Variants in NR5A1 observed in about 807,000 individuals in gnomAD.
The protein encoded by NR5A1 is steroidogenic factor 1.
A neutral mutation model predicts 42.7 loss-of-function variants in NR5A1; 6 were observed. That is an observed-to-expected ratio of 0.14 (90% CI 0.08 to 0.28). The LOEUF is 0.28. Among genes scored for constraint, NR5A1 ranks in the 10% least tolerant of loss-of-function variants. The pLI, the probability that NR5A1 is intolerant of heterozygous loss-of-function variation, is 1.00. For missense variants in NR5A1, 442 were observed against 626.4 expected, an observed-to-expected ratio of 0.71 and a Z score of 3.14; for synonymous variants, 274 against 277.5, an observed-to-expected ratio of 0.99 and a Z score of 0.12.
chr9:124,487,283 C>T (rs1832227831), intron 6 of NR5A1, among the ~76,000 whole-genome samples: 1 of 152,252 alleles, frequency 6.6e-6, no homozygotes, highest in Non-Finnish European at 1.5e-5. Context: ...CTCAGGCAGG[C>T]GCCCCCGCGC....
chr9:124,494,597 T>G (rs1832360707), intron 4 of NR5A1, among the ~76,000 whole-genome samples: 1 of 152,052 alleles, frequency 6.6e-6, no homozygotes, highest in Non-Finnish European at 1.5e-5. Context: ...CCCAGAGCAG[T>G]GGTCAGAGGG....
chr9:124,492,994 G>A (rs1253144751), intron 5 of NR5A1, 36 bp downstream of exon 5: 1 of 1,546,772 alleles, frequency 6.5e-7, no homozygotes, highest in Non-Finnish European at 8.7e-7. Context: ...GCGGGGCCAG[G>A]GCGGGGCCCA....
At chr9:124,505,835 A>G (rs1461351961) in intron 1 of NR5A1, among the ~76,000 whole-genome samples, 1 of 152,134 alleles carries the variant, frequency 6.6e-6, no homozygotes, top group Non-Finnish European at 1.5e-5. Flanking sequence ...TCCCGGGCCT[A>G]TGGGCCAAGC....
rs1564149507 is a variant in NR5A1 at position 124,491,062 on chromosome 9, T to C, written c.1138+19A>G. On this transcript the variant is annotated intron_variant, in intron 6 of 6. Coordinates refer to ENST00000373588, the MANE Select transcript of NR5A1 (RefSeq NM_004959.5). ...GCCTCTGGCTGTCTCCACCTCTCTGTCACTGGAGCTGCACTCACCCAGGCT... is the reference window on the plus strand; with the variant it reads ...GCCTCTGGCTGTCTCCACCTCTCTGCCACTGGAGCTGCACTCACCCAGGCT... 7.1e-6 allele frequency: 9 copies of C among 1,267,954 alleles called. No individual in the cohort carries two copies. Among genetic ancestry groups the C allele is most frequent in the Non-Finnish European group, 9.5e-6 (9 of 947,756 alleles). 78.5% of individuals were successfully genotyped at this position (1,267,954 alleles called of 1,614,324 possible).
rs948791632 is a variant in NR5A1, at chr9:124,500,004, G to C, written c.870+86C>G. 6.3e-7 allele frequency: 1 copy of C among 1,596,238 alleles called. No homozygotes were observed. The highest frequency in any genetic ancestry group is 8.6e-7 in the Non-Finnish European group (1 of 1,165,850). On this transcript the variant is annotated intron_variant, in intron 4 of 6. Coordinates refer to ENST00000373588, the MANE Select transcript of NR5A1 (RefSeq NM_004959.5). This position sits in a 1 kb window ranked among gnomAD's most constrained non-coding sequence, Gnocchi z 6.9. The stretch of plus-strand genomic sequence containing the variant: ...CTGCCTGAAGCCAGTGGGAAGGATG[G>C]CCCTATCCAAAGGACAGTCGGGCTA...
chr9:124,504,073 G>A (rs996869200), intron 1 of NR5A1, among the ~76,000 whole-genome samples: 4 of 150,370 alleles, frequency 2.7e-5, no homozygotes, highest in Admixed American at 1.3e-4. Context: ...GAGAGAGAGA[G>A]AAACGAGGGG....
chr9:124,493,281 C>T, intron 4 of NR5A1, 132 bp from the exon 5 acceptor site: 2 of 1,211,506 alleles, frequency 1.7e-6, no homozygotes, highest in Non-Finnish European at 1.1e-6. Context: ...TGCCCATCTA[C>T]CCAGATGTCT....
intron 6 of NR5A1, among the ~76,000 whole-genome samples, chr9:124,488,206 C>CCG (rs1291950620): frequency 6.6e-6 from 1 of 152,118 alleles, no homozygotes; most frequent in Non-Finnish European, 1.5e-5. Context: ...CCCCACCCCC[C>CCG]GGAAGCCTTC....
chr9:124,502,803 T>C (rs1268410472), intron 3 of NR5A1, among the ~76,000 whole-genome samples: 1 of 152,182 alleles, frequency 6.6e-6, no homozygotes, highest in African/African-American at 2.4e-5. Flanking sequence ...GACCCTGTGC[T>C]GGGGCCCTGG....
In NR5A1 at chr9:124,500,880, C is replaced by T; in HGVS notation, c.245-165G>A. 1 of 1,107,940 alleles carries T rather than the reference C, an allele frequency of 9.0e-7. No individual in the cohort carries two copies. The highest frequency in any genetic ancestry group is 1.3e-5 in the South Asian group (1 of 74,988). The allele number at this position is 1,107,940 out of a possible 1,614,324, so 68.6% of individuals were successfully genotyped here. ...AAGTCAGTCTCCTTTGCCTGGCATT[C>T]AAGGCCCTGCTCAGCTTTTCAGGCA... On this transcript the variant is annotated intron_variant, in intron 3 of 6. Coordinates refer to ENST00000373588, the MANE Select transcript of NR5A1 (RefSeq NM_004959.5). This position sits in a 1 kb window ranked among gnomAD's most constrained non-coding sequence, Gnocchi z 6.9.
rs1832504320 is a variant in NR5A1, at chr9:124,503,708, T to C, written c.-15-298A>G. On this transcript the variant is annotated intron_variant, in intron 1 of 6. Transcript: ENST00000373588. The surrounding 1 kb of genome is among the most constrained non-coding windows in gnomAD (Gnocchi z 9.6). ...CGGGTTCGATGCGCTTCGATTGGGATTCGTTTGTCTGAGAACAAAACCCCG... is the reference window on the plus strand; with the variant it reads ...CGGGTTCGATGCGCTTCGATTGGGACTCGTTTGTCTGAGAACAAAACCCCG... Among the ~76,000 whole-genome samples the C allele has an allele frequency of 1.3e-5, 2 of 152,168 alleles. No homozygotes were observed. Among genetic ancestry groups the C allele is most frequent in the African/African-American group, 4.8e-5 (2 of 41,442 alleles).
chr9:124,487,574 C>T (rs1370566895), intron 6 of NR5A1, among the ~76,000 whole-genome samples: 2 of 152,254 alleles, frequency 1.3e-5, no homozygotes, highest in Non-Finnish European at 2.9e-5. Flanking sequence ...ATTTAGACAC[C>T]AAATGGCACC....
chr9:124,487,237 A>G (rs968130051), intron 6 of NR5A1, among the ~76,000 whole-genome samples: 4 of 152,266 alleles, frequency 2.6e-5, no homozygotes, highest in African/African-American at 9.6e-5. Flanking sequence ...CTTTCATTCC[A>G]GCGAGGCATA....
At chr9:124,502,034 A>T (rs2131288653) in intron 3 of NR5A1, among the ~76,000 whole-genome samples, 1 of 152,306 alleles carries the variant, frequency 6.6e-6, no homozygotes, top group East Asian at 1.9e-4. Context: ...GGGCCTGGCT[A>T]AGAACATGAC....
rs1189145607 is a variant in NR5A1, at chr9:124,504,043, AGAGAGAGAC to A, written c.-15-642_-15-634del. Among the ~76,000 whole-genome samples the A allele has an allele frequency of 1.2e-3, 161 of 132,104 alleles. 12 individuals are homozygous for A. The highest frequency in any genetic ancestry group is 5.3e-3 in the African/African-American group (127 of 23,998). 86.7% of individuals were successfully genotyped at this position (132,104 alleles called of 152,430 possible). ...GGGAGACAGAGAGAGAGAGAGAGAG[AGAGAGAGAC>A]GAGAGAGAGAGAGAGAGAGAGAAAC... On this transcript the variant is annotated intron_variant, in intron 1 of 6. Coordinates refer to ENST00000373588, the MANE Select transcript of NR5A1 (RefSeq NM_004959.5).
At chr9:124,493,492 A>G (rs1832346333) in intron 4 of NR5A1, among the ~76,000 whole-genome samples, 1 of 152,240 alleles carries the variant, frequency 6.6e-6, no homozygotes, top group African/African-American at 2.4e-5. Flanking sequence ...TATGCCATAC[A>G]TGTTAGTGAC....
chr9:124,502,623 C>G (rs1005498306), intron 3 of NR5A1, among the ~76,000 whole-genome samples: 1 of 152,266 alleles, frequency 6.6e-6, no homozygotes, highest in Non-Finnish European at 1.5e-5. Flanking sequence ...CCGCTCCATC[C>G]GGCCAAGCCC....
intron 6 of NR5A1, 37 bp downstream of exon 6, chr9:124,491,039 CTCTGG>C: frequency 6.7e-7 from 1 of 1,496,960 alleles, no homozygotes; most frequent in South Asian, 1.2e-5. Context: ...ACCCACCCGC[CTCTGG>C]CTGTCTCCAC....
Position 124,491,091 on chromosome 9 carries a change from G to A in NR5A1, c.1128C>T (p.Leu376=), listed in dbSNP as rs1352867248. Residue 376 remains leucine, a synonymous_variant, in exon 6 of 7, where the codon CTC becomes CTT. Coordinates refer to ENST00000373588, the MANE Select transcript of NR5A1 (RefSeq NM_004959.5). ...TGGAGCTGCACTCACCCAGGCTGAA[G>A]AGGATGATGAACTTGAGGCAGACAA... ...QEFVCLKFII[L]FSLDLKFLNN... The A allele has an allele frequency of 6.4e-7, 1 of 1,557,198 alleles. No individual in the cohort carries two copies.
Sources: allele counts gnomAD v4.1 joint callset (sites outside exome capture counted in the v4.1 genomes callset), GRCh38; gene constraint gnomAD v4.1.1; non-coding constraint Gnocchi (gnomAD v3.1); transcripts MANE v1.5; gene names NCBI Gene and HGNC (gene_info 2026-07-23, HGNC 2026-07-21).